The following PCDH15 variants were observed in gnomAD, a reference collection of about 807,000 sequenced individuals.
PCDH15 encodes protocadherin related 15, also known as protocadherin-15.
Under a neutral mutation model 178.5 loss-of-function variants are expected in PCDH15, and 129 were observed. The ratio of observed to expected loss-of-function variants is 0.72; its 90% confidence interval spans 0.63 to 0.84. PCDH15 has a LOEUF of 0.84. PCDH15 is among the 40% of genes least tolerant of loss of function. PCDH15 has a pLI of 0.00. For synonymous variants in PCDH15, 800 were observed against 732.0 expected (o/e 1.09, Z -1.50); for missense variants, 2,230 against 2,099.9 (o/e 1.06, Z -1.21).
chr10:54,018,882 T>C (rs985361764), intron 20 of PCDH15, among the ~76,000 whole-genome samples: 2 of 152,088 alleles, frequency 1.3e-5, no homozygotes, highest in African/African-American at 4.8e-5. Context: ...ATCAATTATA[T>C]TTTTGGGGGT....
At chr10:54,288,961 C>A (rs964739813) in intron 8 of PCDH15, among the ~76,000 whole-genome samples, 7 of 152,240 alleles carry the variant, frequency 4.6e-5, no homozygotes, top group Non-Finnish European at 8.8e-5. Context: ...AAGCAGCAGG[C>A]AACTTCTGCA....
intron 7 of PCDH15, among the ~76,000 whole-genome samples, chr10:54,327,563 A>G (rs1206860568): frequency 1.3e-5 from 2 of 151,934 alleles, no homozygotes; most frequent in African/African-American, 4.8e-5. Flanking sequence ...CTATCTACAT[A>G]TCCCTAATTA....
chr10:55,168,763 T>C (rs1839258905), intron 1 of PCDH15, among the ~76,000 whole-genome samples: 1 of 152,228 alleles, frequency 6.6e-6, no homozygotes, highest in African/African-American at 2.4e-5. Flanking sequence ...ATGTGTACAG[T>C]ATATGTAATT....
At chr10:54,709,585 A>G (rs1282837914) in intron 1 of PCDH15, among the ~76,000 whole-genome samples, 1 of 128,628 alleles carries the variant, frequency 7.8e-6, no homozygotes, top group Non-Finnish European at 1.6e-5. Flanking sequence ...TAGCAATTAC[A>G]AATAATTCAT....
intron 1 of PCDH15, among the ~76,000 whole-genome samples, chr10:55,249,030 G>T (rs572035050): frequency 6.6e-6 from 1 of 152,248 alleles, no homozygotes; most frequent in South Asian, 2.1e-4. Flanking sequence ...GTCATACCTT[G>T]TGATAAAAAA....
chr10:53,931,260 C>A (rs573919723), intron 25 of PCDH15, among the ~76,000 whole-genome samples: 155 of 152,240 alleles, frequency 1.0e-3, no homozygotes, highest in Non-Finnish European at 2.0e-3. Context: ...GAAAAGGCTG[C>A]AAATCAGGGG....
intron 1 of PCDH15, among the ~76,000 whole-genome samples, chr10:54,775,701 C>T (rs1236154600): frequency 2.6e-5 from 4 of 151,930 alleles, no homozygotes; most frequent in Non-Finnish European, 5.9e-5. Flanking sequence ...ATCGAGACCA[C>T]GAGGAAACCC....
At chr10:55,585,952 T>C (rs990355250) in intron 2 of PCDH15, among the ~76,000 whole-genome samples, 7 of 152,078 alleles carry the variant, frequency 4.6e-5, no homozygotes, top group Non-Finnish European at 8.8e-5. Context: ...AGGATGAATC[T>C]CCACATTTTT....
At chr10:54,950,905 T>C (rs1466710752) in intron 2 of PCDH15, among the ~76,000 whole-genome samples, 1 of 151,866 alleles carries the variant, frequency 6.6e-6, no homozygotes, top group Non-Finnish European at 1.5e-5. Context: ...TTAATTAATA[T>C]AGCTTAAATT....
Position 54,549,057 on chromosome 10 carries a change from A to G in PCDH15, c.92-21180T>C, listed in dbSNP as rs181937798. On this transcript the variant is annotated intron_variant, in intron 2 of 37. Coordinates refer to ENST00000644397, the MANE Select transcript of PCDH15 (RefSeq NM_001384140.1). ...CTGCAGCTATAATTTCGGCAATACC[A>G]GTTTTAATATTATTTATTTGGCTTC... 1.5e-3 allele frequency among the ~76,000 whole-genome samples: 221 copies of G among 152,004 alleles called. 1 individual carries two copies. Among genetic ancestry groups the G allele is most frequent in the African/African-American group, 5.0e-3 (207 of 41,534 alleles).
chr10:54,603,279 G>A (rs567456256), intron 2 of PCDH15, among the ~76,000 whole-genome samples: 30 of 151,486 alleles, frequency 2.0e-4, no homozygotes, highest in African/African-American at 6.8e-4. Flanking sequence ...TCTCTCTTTG[G>A]TTACTCTAGG....
Position 54,840,277 on chromosome 10 carries a change from A to G in PCDH15, c.-29+57173T>C, listed in dbSNP as rs563730821. ...TTTTTTAATGGATGCACAAATATAAAAAGAGGTAAAGTGTAACATTGATAG... is the reference window on the plus strand; with the variant it reads ...TTTTTTAATGGATGCACAAATATAAGAAGAGGTAAAGTGTAACATTGATAG... On this transcript the variant is annotated intron_variant, in intron 3 of 5. Transcript: ENST00000458638. Among the ~76,000 whole-genome samples the G allele has an allele frequency of 7.9e-5, 12 of 152,156 alleles. 1 individual carries two copies. The highest frequency in any genetic ancestry group is 2.6e-4 in the African/African-American group (11 of 41,572).
chr10:54,945,324 G>GGATA lies in PCDH15; in HGVS notation c.-79-47828_-79-47825dup, dbSNP rs71883309. ...GATAGGTGCAGATAGATGGATGTATGGATAGATAGATAGATAGATAGATAG... is the reference window on the plus strand; with the variant it reads ...GATAGGTGCAGATAGATGGATGTATGGATAGATAGATAGATAGATAGATAGATAG... On this transcript the variant is annotated intron_variant, in intron 2 of 5. Transcript: ENST00000458638. 3.2e-3 allele frequency among the ~76,000 whole-genome samples: 449 copies of GGATA among 140,260 alleles called. 3 individuals are homozygous for GGATA. Among genetic ancestry groups the GGATA allele is most frequent in the East Asian group, 0.011 (52 of 4,848 alleles). The allele number at this position is 140,260 out of a possible 152,430, so 92.0% of individuals were successfully genotyped here. A position where few individuals can be genotyped will look rare whatever the true frequency, so the allele number is the denominator to read the frequency against.
intron 1 of PCDH15, among the ~76,000 whole-genome samples, chr10:54,750,630 T>C (rs556633139): frequency 8.5e-5 from 13 of 152,256 alleles, no homozygotes; most frequent in Non-Finnish European, 1.5e-4. Context: ...ATCAACTAAG[T>C]TTATTTAAAT....
intron 1 of PCDH15, among the ~76,000 whole-genome samples, chr10:54,688,055 TA>T (rs568902495): frequency 6.9e-4 from 105 of 151,764 alleles, no homozygotes; most frequent in African/African-American, 2.4e-3. Flanking sequence ...AAAATAAAAT[TA>T]AAAAAATTTA....
At chr10:54,183,197 C>T (rs1189858645) in intron 13 of PCDH15, among the ~76,000 whole-genome samples, 7 of 152,128 alleles carry the variant, frequency 4.6e-5, no homozygotes, top group African/African-American at 9.7e-5. Flanking sequence ...TCTCGAACTC[C>T]CGACCTCAGG....
chr10:53,999,757 C>G (rs1198008718), intron 20 of PCDH15, among the ~76,000 whole-genome samples: 2 of 152,178 alleles, frequency 1.3e-5, no homozygotes, highest in East Asian at 3.9e-4. Flanking sequence ...TGAACCTGTT[C>G]AGGGCCTGGG....
intron 21 of PCDH15, among the ~76,000 whole-genome samples, chr10:53,983,088 C>T (rs1014840493): frequency 1.3e-5 from 2 of 151,816 alleles, no homozygotes; most frequent in Non-Finnish European, 2.9e-5. Context: ...GACATGGTTT[C>T]CAAAATTCTT....
chr10:54,153,188 T>C lies in PCDH15; in HGVS notation c.1696A>G (p.Thr566Ala), dbSNP rs147822256. 2.5e-6 allele frequency: 4 copies of C among 1,613,746 alleles called. No individual in the cohort carries two copies. The African/African-American group carries it at 5.3e-5, about 22-fold the overall frequency. ...ATCATTTCCACCCCTGGAGCGATGG[T>C]GATAAGCCCTGTTGTTTTATTGATG... is the stretch of plus-strand genomic sequence containing the variant. ...FIINKTTGLI[T>A]IAPGVEMIVG... is the part of the protein sequence containing the mutation. The change falls in exon 14 of 38, where the codon ACC (threonine) becomes GCC (alanine). Residue 566 changes from threonine (T) to alanine (A), a missense_variant. By Grantham distance (58) the Thr-to-Ala change is moderately conservative. Transcript: ENST00000644397.
Sources: gnomAD v4.1 joint callset for allele counts (sites outside exome capture counted in the v4.1 genomes callset) on GRCh38, gnomAD v4.1.1 for gene constraint, MANE v1.5 for transcripts, NCBI Gene and HGNC (gene_info 2026-07-23, HGNC 2026-07-21) for gene names.